The following DENND2B variants were observed in gnomAD, a reference collection of about 807,000 sequenced individuals.
DENND2B encodes the protein DENN domain containing 2B.
DENND2B carries 32 observed loss-of-function variants against 116.0 expected under a neutral mutation model. That is an observed-to-expected ratio of 0.28 (90% CI 0.21 to 0.37). The LOEUF (loss-of-function observed/expected upper bound fraction) is 0.37. DENND2B is among the 10% of genes least tolerant of loss of function. The pLI, the probability that DENND2B is intolerant of heterozygous loss-of-function variation, is 1.00. For synonymous variants in DENND2B, 588 were observed against 583.9 expected, an observed-to-expected ratio of 1.01 and a Z score of -0.10; for missense variants, 1,276 against 1,477.7, an observed-to-expected ratio of 0.86 and a Z score of 2.24.
intron 1 of DENND2B, among the ~76,000 whole-genome samples, chr11:8,883,603 C>T (rs2134731138): frequency 6.6e-6 from 1 of 152,298 alleles, no homozygotes. Context: ...TTTGAGAAGG[C>T]ATACGTGCTG....
intron 1 of DENND2B, among the ~76,000 whole-genome samples, chr11:8,756,155 G>A (rs2053569111): frequency 6.6e-6 from 1 of 152,132 alleles, no homozygotes; most frequent in African/African-American, 2.4e-5. Context: ...GCAGGCCCTT[G>A]GAGAAAAGGC....
chr11:8,778,715 T>G (rs1221583386), intron 1 of DENND2B, among the ~76,000 whole-genome samples: 1 of 152,192 alleles, frequency 6.6e-6, no homozygotes, highest in Non-Finnish European at 1.5e-5. Context: ...CACTGCTGCA[T>G]GGGGTGCCGG....
chr11:8,910,078 TAAAAGA>T (rs2064296789), intron 1 of DENND2B, among the ~76,000 whole-genome samples: 1 of 151,902 alleles, frequency 6.6e-6, no homozygotes, highest in Non-Finnish European at 1.5e-5. Flanking sequence ...GCAGTCTTCC[TAAAAGA>T]TGGAGTCAGA....
At chr11:8,821,279 T>G (rs2061752973) in intron 4 of DENND2B, among the ~76,000 whole-genome samples, 1 of 151,742 alleles carries the variant, frequency 6.6e-6, no homozygotes, top group Non-Finnish European at 1.5e-5. Context: ...TTTGTACCTT[T>G]TGAATTTATA....
At chr11:8,836,385 C>T (rs189158755) in intron 4 of DENND2B, among the ~76,000 whole-genome samples, 2 of 150,594 alleles carry the variant, frequency 1.3e-5, no homozygotes, top group East Asian at 4.0e-4. Context: ...ATCACTAACC[C>T]TGCAAAGACA....
chr11:8,695,391 T>C, intron 19 of DENND2B, 72 bp downstream of exon 19: 1 of 1,386,198 alleles, frequency 7.2e-7, no homozygotes, highest in Non-Finnish European at 1.0e-6. Context: ...ATTTAGAGTA[T>C]TCGGGAACAC....
At position 8,730,684 on chromosome 11, in the gene DENND2B, G is replaced by A. The variant is rs1414982942; in HGVS notation, c.606C>T (p.Pro202=). 1 of 1,611,862 alleles carries A rather than the reference G, an allele frequency of 6.2e-7. No homozygotes were observed. The highest frequency in any genetic ancestry group is 1.3e-5 in the African/African-American group (1 of 75,068). The change falls in exon 3 of 20, where the codon CCC becomes CCT. Residue 202 remains proline (P), a synonymous_variant. Coordinates refer to ENST00000313726, the MANE Select transcript of DENND2B (RefSeq NM_213618.2). This position sits in a 1 kb window ranked among gnomAD's most constrained non-coding sequence, Gnocchi z 4.1. ...GCACCACGCTGGGACAGCCCAGGCTGGGGCAGCCCTCACTGGCCGCCCACT... is the reference window on the plus strand; with the variant it reads ...GCACCACGCTGGGACAGCCCAGGCTAGGGCAGCCCTCACTGGCCGCCCACT... ...GSEWAASEGC[P]SLGCPSVVPS...
In DENND2B at chr11:8,728,886, A is replaced by C. The variant is rs1208859804; in HGVS notation, c.1340+1064T>G. Among the ~76,000 whole-genome samples the C allele has an allele frequency of 3.9e-5, 6 of 152,248 alleles. 1 individual carries two copies. Among genetic ancestry groups the C allele is most frequent in the African/African-American group, 1.2e-4 (5 of 41,472 alleles). ...CACAGCAGGCTCTAGAAGAATGTTT[A>C]TAGAAATGGATGAACAAGGACAAAG... On this transcript the variant is annotated intron_variant, in intron 3 of 19. Transcript: ENST00000313726.
At chr11:8,780,217 A>C (rs1387061542) in intron 1 of DENND2B, among the ~76,000 whole-genome samples, 6 of 152,228 alleles carry the variant, frequency 3.9e-5, no homozygotes, top group African/African-American at 1.4e-4. Flanking sequence ...CACCAAATGC[A>C]TCAGGTATGG....
In DENND2B at chr11:8,695,444, C is replaced by T; in HGVS notation, c.3379+19G>A. 1 of 1,608,116 alleles carries T rather than the reference C, an allele frequency of 6.2e-7. No individual in the cohort carries two copies. Among genetic ancestry groups the T allele is most frequent in the Non-Finnish European group, 8.5e-7 (1 of 1,175,060 alleles). ...CCTTCTTGCTGAACATCTATCTCAT[C>T]AGTAACAAGGCCACTTACCCAAACC... On this transcript the variant is annotated intron_variant, in intron 19 of 19. Coordinates refer to ENST00000313726, the MANE Select transcript of DENND2B (RefSeq NM_213618.2).
intron 1 of DENND2B, among the ~76,000 whole-genome samples, chr11:8,885,645 A>G (rs1289923110): frequency 2.0e-4 from 30 of 152,272 alleles, no homozygotes; most frequent in Admixed American, 1.8e-3. Flanking sequence ...TTGGCTCCCA[A>G]TAAGGAATAA....
rs142040697 is a variant in DENND2B at position 8,796,570 on chromosome 11, G to A, written c.-26+13947C>T. Among the ~76,000 whole-genome samples, 510 of 152,248 alleles carry A rather than the reference G, an allele frequency of 3.3e-3. 4 individuals are homozygous for A. Among genetic ancestry groups the A allele is most frequent in the African/African-American group, 0.011 (474 of 41,538 alleles). ...AAGAAGTATCAACCCATAGAAACTA[G>A]TCAATGTTCAATTTCCAAGAAGTGA... On this transcript the variant is annotated intron_variant, in intron 1 of 19. Coordinates refer to ENST00000313726, the MANE Select transcript of DENND2B (RefSeq NM_213618.2).
At chr11:8,884,312 CTTTGTTTTTTTGTTGTTGTTGTTGTTT>C (rs2063935849) in intron 1 of DENND2B, among the ~76,000 whole-genome samples, 1 of 150,904 alleles carries the variant, frequency 6.6e-6, no homozygotes, top group South Asian at 2.1e-4. Context: ...TTCGGACTTC[CTTTGTTTTTTTGTTGTTGTTGTTGTTT>C]TTTGTTTTTT....
intron 1 of DENND2B, among the ~76,000 whole-genome samples, chr11:8,901,620 C>G (rs748594821): frequency 6.6e-6 from 1 of 152,166 alleles, no homozygotes; most frequent in Non-Finnish European, 1.5e-5. Context: ...TCCCTCTAAT[C>G]ACAGTTTTAG....
chr11:8,736,391 T>C (rs2049041003), intron 2 of DENND2B, among the ~76,000 whole-genome samples: 1 of 152,020 alleles, frequency 6.6e-6, no homozygotes. Flanking sequence ...CAGCAGAGAC[T>C]AAAAACAGAC....
chr11:8,813,581 A>G (rs1352378919), upstream of DENND2B, among the ~76,000 whole-genome samples: 2 of 152,236 alleles, frequency 1.3e-5, no homozygotes, highest in Non-Finnish European at 2.9e-5. Flanking sequence ...AGATAATATT[A>G]ATAATACAGT....
At chr11:8,890,909 C>A (rs968138354) in intron 1 of DENND2B, among the ~76,000 whole-genome samples, 2 of 152,012 alleles carry the variant, frequency 1.3e-5, no homozygotes, top group African/African-American at 2.4e-5. Flanking sequence ...AGATACTCCT[C>A]GAGAAGAGCA....
chr11:8,757,161 T>C (rs2053756734), intron 1 of DENND2B: 1 of 452,042 alleles, frequency 2.2e-6, no homozygotes, highest in Non-Finnish European at 4.4e-6. Flanking sequence ...CTGCTAGTTA[T>C]GTGACCTTGC....
At chr11:8,881,281 T>C (rs991960564) in intron 1 of DENND2B, among the ~76,000 whole-genome samples, 1 of 152,182 alleles carries the variant, frequency 6.6e-6, no homozygotes, top group Admixed American at 6.5e-5. Flanking sequence ...ATCTGGAGGC[T>C]CATGTTCTAT....
Sources: allele counts gnomAD v4.1 joint callset (sites outside exome capture counted in the v4.1 genomes callset), GRCh38; gene constraint gnomAD v4.1.1; non-coding constraint Gnocchi (gnomAD v3.1); transcripts MANE v1.5; gene names NCBI Gene and HGNC (gene_info 2026-07-23, HGNC 2026-07-21).